The following USP45 variants were observed in gnomAD, a reference collection of about 807,000 sequenced individuals.
The protein encoded by USP45 is ubiquitin specific peptidase 45.
In USP45, 89 loss-of-function variants were observed where a neutral mutation model predicts 95.8. That is an observed-to-expected ratio of 0.93 (90% CI 0.78 to 1.11). USP45 has a LOEUF of 1.11. Among genes scored for constraint, USP45 ranks in the 50% least tolerant of loss-of-function variants. The pLI, the probability that USP45 is intolerant of heterozygous loss-of-function variation, is 0.00. For missense variants in USP45, 898 were observed against 942.5 expected (o/e 0.95, Z 0.62); for synonymous variants, 281 against 316.2 (o/e 0.89, Z 1.18).
chr6:99,439,915 T>C, intron 15 of USP45, 60 bp from the exon 16 acceptor site: 4 of 1,359,208 alleles, frequency 2.9e-6, no homozygotes, highest in Non-Finnish European at 4.1e-6. Context: ...TTGTCTTTGT[T>C]AACTAAAACC....
chr6:99,473,027 CT>C (rs67592484), intron 9 of USP45, among the ~76,000 whole-genome samples: 37,872 of 148,726 alleles, frequency 0.25, 5,850 homozygotes, highest in East Asian at 0.46. Context: ...TTATAAATCT[CT>C]TTTTTTTTTT....
At chr6:99,443,750 C>T in intron 14 of USP45, 88 bp from the exon 15 acceptor site, 1 of 832,298 alleles carries the variant, frequency 1.2e-6, no homozygotes, top group Non-Finnish European at 1.8e-6. Context: ...AGTATCATAC[C>T]ACATTTTTAA....
intron 7 of USP45, 102 bp downstream of exon 7, chr6:99,488,098 G>T (rs992020016): frequency 4.2e-6 from 3 of 711,314 alleles, no homozygotes; most frequent in South Asian, 3.6e-5. Context: ...TAAGCCCCCT[G>T]GCTACTATCT....
chr6:99,436,818 G>A (rs1780570358), intron 17 of USP45, among the ~76,000 whole-genome samples: 1 of 152,134 alleles, frequency 6.6e-6, no homozygotes, highest in African/African-American at 2.4e-5. Context: ...ATCCAGTTGA[G>A]GCTGGGCATG....
chr6:99,436,564 A>C (rs1780526596), intron 17 of USP45, among the ~76,000 whole-genome samples: 1 of 152,108 alleles, frequency 6.6e-6, no homozygotes, highest in Admixed American at 6.6e-5. Context: ...TCAAAAACAA[A>C]CAAAAAAAGC....
chr6:99,435,653 A>G lies in USP45; in HGVS notation c.*63T>C. The G allele has an allele frequency of 6.9e-7, 1 of 1,449,352 alleles. No individual in the cohort carries two copies. The highest frequency in any genetic ancestry group is 9.5e-7 in the Non-Finnish European group (1 of 1,055,924). The allele number at this position is 1,449,352 out of a possible 1,614,324, so 89.8% of individuals were successfully genotyped here. On this transcript the variant is annotated 3_prime_UTR_variant, in exon 18 of 18. Transcript: ENST00000500704. ...AGGGAAGACTAGAAAGGCACATTAT[A>G]TATTATAGTTATCACTGTGGCATTC...
intron 15 of USP45, among the ~76,000 whole-genome samples, chr6:99,440,591 G>C (rs1340237519): frequency 6.6e-6 from 1 of 152,160 alleles, no homozygotes; most frequent in Non-Finnish European, 1.5e-5. Flanking sequence ...GGGGCAACCT[G>C]TCATGACGTC....
chr6:99,456,747 T>C (rs180810725), intron 13 of USP45, among the ~76,000 whole-genome samples: 89 of 152,242 alleles, frequency 5.8e-4, no homozygotes, highest in African/African-American at 2.0e-3. Flanking sequence ...ACAGCATGTG[T>C]GTTTGAGCAA....
At chr6:99,449,545 G>A (rs959740036) in intron 13 of USP45, among the ~76,000 whole-genome samples, 7 of 152,058 alleles carry the variant, frequency 4.6e-5, no homozygotes, top group African/African-American at 1.7e-4. Flanking sequence ...AGTCCCCAGA[G>A]ACCTACAAAG....
intron 9 of USP45, among the ~76,000 whole-genome samples, chr6:99,475,581 G>A (rs995212985): frequency 1.3e-5 from 2 of 152,000 alleles, no homozygotes; most frequent in Non-Finnish European, 1.5e-5. Flanking sequence ...CTTCCAAAGT[G>A]TTGGGATTAC....
chr6:99,463,485 T>C (rs960906981), intron 13 of USP45, among the ~76,000 whole-genome samples: 2 of 152,024 alleles, frequency 1.3e-5, no homozygotes, highest in Non-Finnish European at 2.9e-5. Flanking sequence ...AAGGACCTGA[T>C]TTCTTCAGCA....
chr6:99,484,378 C>T lies in USP45; in HGVS notation c.715-1495G>A, dbSNP rs531956861. 1.5e-4 allele frequency among the ~76,000 whole-genome samples: 23 copies of T among 151,590 alleles called. No homozygotes were observed. In the East Asian group the frequency reaches 4.3e-3, roughly 29 times the overall value. On this transcript the variant is annotated intron_variant, in intron 7 of 17. Coordinates refer to ENST00000500704, the MANE Select transcript of USP45 (RefSeq NM_001346022.3). ...AGACGGGGGTAGAGGGGGGGTCTCA[C>T]TTTGTTGCCCAGGCTGGTCTTAAAC...
At position 99,443,621 on chromosome 6, in the gene USP45, A is replaced by G. The variant is rs1226519537; in HGVS notation, c.2017T>C (p.Leu673=). Residue 673 remains leucine, a synonymous_variant, in exon 15 of 18, where the codon TTG becomes CTG. Transcript: ENST00000500704. ...ACAGCTGGAACAGCAGAAATGAGCA[A>G]TTGCTTCCTGGCATTAGTATAAACT... ...EGVYTNARKQ[L]LISAVPAVLI... 33 of 1,608,892 alleles carry G rather than the reference A, an allele frequency of 2.1e-5. No homozygotes were observed. The highest frequency in any genetic ancestry group is 2.8e-5 in the Non-Finnish European group (33 of 1,177,180).
At chr6:99,461,432 C>T (rs565422574) in intron 13 of USP45, 16 of 985,360 alleles carry the variant, frequency 1.6e-5, no homozygotes, top group East Asian at 1.1e-4. Context: ...ACTCTGTTTA[C>T]GTATCTGCCT....
At position 99,455,819 on chromosome 6, in the gene USP45, T is replaced by TAAA. The variant is rs35285232; in HGVS notation, c.1308+8782_1308+8784dup. ...CATGTTCTCACTCTTATGTGAGAGCTAAAAAAAAAAAAAAAAAAAAAAAAA... is the reference window on the plus strand; with the variant it reads ...CATGTTCTCACTCTTATGTGAGAGCTAAAAAAAAAAAAAAAAAAAAAAAAAAAA... On this transcript the variant is annotated intron_variant, in intron 13 of 17. Transcript: ENST00000500704. Among the ~76,000 whole-genome samples, 291 of 44,374 alleles carry TAAA rather than the reference T, an allele frequency of 6.6e-3. 17 individuals carry two copies. The highest frequency in any genetic ancestry group is 9.1e-3 in the Non-Finnish European group (245 of 26,936). The allele number at this position is 44,374 out of a possible 152,430, so 29.1% of individuals were successfully genotyped here.
chr6:99,512,642 A>G (rs1355427668), intron 1 of USP45, among the ~76,000 whole-genome samples: 4 of 152,198 alleles, frequency 2.6e-5, no homozygotes, highest in African/African-American at 7.2e-5. Context: ...ACTAAATTCC[A>G]AATCTTGATT....
At position 99,435,630 on chromosome 6, in the gene USP45, G is replaced by A; in HGVS notation, c.*86C>T. The stretch of plus-strand genomic sequence containing the variant: ...GGAACATGCTATTCCTACAGAAGAG[G>A]GAAGACTAGAAAGGCACATTATATA... On this transcript the variant is annotated 3_prime_UTR_variant, in exon 18 of 18. Transcript: ENST00000500704. The A allele has an allele frequency of 1.7e-6, 2 of 1,185,334 alleles. No individual in the cohort carries two copies. The highest frequency in any genetic ancestry group is 2.3e-6 in the Non-Finnish European group (2 of 866,748). 73.4% of individuals were successfully genotyped at this position (1,185,334 alleles called of 1,614,324 possible). A position where few individuals can be genotyped will look rare whatever the true frequency, so the allele number is the denominator to read the frequency against.
chr6:99,442,441 T>A (rs1253485851), intron 15 of USP45, among the ~76,000 whole-genome samples: 1 of 152,224 alleles, frequency 6.6e-6, no homozygotes, highest in African/African-American at 2.4e-5. Context: ...CTCTCGCACA[T>A]CTGGATCCCA....
At chr6:99,475,792 T>C (rs1478912257) in intron 9 of USP45, among the ~76,000 whole-genome samples, 1 of 144,140 alleles carries the variant, frequency 6.9e-6, no homozygotes. Context: ...ACTTTTAAAT[T>C]GTAATAGAAA....
Sources: allele counts gnomAD v4.1 joint callset (sites outside exome capture counted in the v4.1 genomes callset), GRCh38; gene constraint gnomAD v4.1.1; transcripts MANE v1.5; gene names NCBI Gene and HGNC (gene_info 2026-07-23, HGNC 2026-07-21).